The following ARAP1 variants were observed in gnomAD, a reference collection of about 807,000 sequenced individuals.
The protein encoded by ARAP1 is ArfGAP with RhoGAP domain, ankyrin repeat and PH domain 1.
ARAP1 carries 76 observed loss-of-function variants against 172.2 expected under a neutral mutation model. The ratio of observed to expected loss-of-function variants is 0.44; its 90% CI spans 0.37 to 0.53. The LOEUF (loss-of-function observed/expected upper bound fraction) is 0.53, where lower values mean the gene tolerates loss of function less well. ARAP1 is among the 20% of genes least tolerant of loss of function. ARAP1 has a pLI of 0.00. For missense variants in ARAP1, 1,686 were observed against 1,977.5 expected (o/e 0.85, Z 2.80); for synonymous variants, 804 against 803.3 (o/e 1.00, Z -0.01).
At position 72,710,889 on chromosome 11, in the gene ARAP1, A is replaced by G. The variant is rs1432007260; in HGVS notation, c.1213+132T>C. ...TGCCCCCTTCCTCTGCCCACCTCAC[A>G]AAGGCAGCATGCCTCCCCGGATGTG... On this transcript the variant is annotated intron_variant, in intron 9 of 34. Transcript: ENST00000393609. The surrounding 1 kb of genome is among the most constrained non-coding windows in gnomAD (Gnocchi z 4.3). 1.3e-6 allele frequency: 2 copies of G among 1,535,832 alleles called. No homozygotes were observed. Among genetic ancestry groups the G allele is most frequent in the Non-Finnish European group, 1.8e-6 (2 of 1,132,642 alleles).
At chr11:72,731,664 C>G (rs1857873266) in intron 2 of ARAP1, among the ~76,000 whole-genome samples, 1 of 152,226 alleles carries the variant, frequency 6.6e-6, no homozygotes, top group Non-Finnish European at 1.5e-5. Flanking sequence ...GAGTATCTCA[C>G]TTTTGCAAAA....
In ARAP1 at chr11:72,726,608, G is replaced by T; in HGVS notation, c.509+12C>A. ...GCCTGTGCGCCTCCCACCCTGGGTG[G>T]CATCCACTCACCTCACCAGCAGGCG... is the stretch of plus-strand genomic sequence containing the variant. On this transcript the variant is annotated intron_variant, in intron 3 of 34. Transcript: ENST00000393609. The surrounding 1 kb of genome is among the most constrained non-coding windows in gnomAD (Gnocchi z 6.5). 1 of 1,486,706 alleles carries T rather than the reference G, an allele frequency of 6.7e-7. No homozygotes were observed. The allele number at this position is 1,486,706 out of a possible 1,614,324, so 92.1% of individuals were successfully genotyped here.
intron 7 of ARAP1, 136 bp downstream of exon 7, chr11:72,712,060 G>T: frequency 8.1e-7 from 1 of 1,237,172 alleles, no homozygotes. Flanking sequence ...CAGTGTGCCT[G>T]GAGGGAGACC....
intron 3 of ARAP1, among the ~76,000 whole-genome samples, chr11:72,717,221 A>G (rs1429193293): frequency 6.6e-6 from 1 of 152,146 alleles, no homozygotes; most frequent in Non-Finnish European, 1.5e-5. Context: ...TGATGGGCAA[A>G]TCAATCCATC....
intron 16 of ARAP1, among the ~76,000 whole-genome samples, chr11:72,700,835 C>A (rs531908963): frequency 6.6e-6 from 1 of 152,352 alleles, no homozygotes; most frequent in East Asian, 1.9e-4. Context: ...GAAACCCCAT[C>A]TCTACTAACT....
Position 72,710,912 on chromosome 11 carries a change from G to A in ARAP1, c.1213+109C>T, listed in dbSNP as rs1856984040. The A allele has an allele frequency of 6.4e-7, 1 of 1,564,406 alleles. No homozygotes were observed. The highest frequency in any genetic ancestry group is 1.3e-5 in the African/African-American group (1 of 74,184). On this transcript the variant is annotated intron_variant, in intron 9 of 34. Transcript: ENST00000393609. The surrounding 1 kb of genome is among the most constrained non-coding windows in gnomAD (Gnocchi z 4.3). ...ACAAAGGCAGCATGCCTCCCCGGAT[G>A]TGATGTGAGAGGGCAGATGCACCAT...
At chr11:72,698,190 T>G in intron 18 of ARAP1, 84 bp from the exon 19 acceptor site, 1 of 1,421,226 alleles carries the variant, frequency 7.0e-7, no homozygotes, top group Non-Finnish European at 9.4e-7. Context: ...TACAGGCACA[T>G]GCCCTCTTCC....
At chr11:72,694,063 A>T (rs1199827120) in intron 27 of ARAP1, among the ~76,000 whole-genome samples, 1 of 57,382 alleles carries the variant, frequency 1.7e-5, no homozygotes, top group Non-Finnish European at 3.6e-5. Flanking sequence ...CTCCCATCCC[A>T]CCCTCCCTGT....
At chr11:72,698,172 C>T in intron 18 of ARAP1, 66 bp from the exon 19 acceptor site, 1 of 1,481,736 alleles carries the variant, frequency 6.7e-7, no homozygotes. Context: ...TGCCCCAGCT[C>T]CTTGGCTTAC....
In ARAP1 at chr11:72,712,207, G is replaced by A. The variant is rs1396148648; in HGVS notation, c.1011C>T (p.Asn337=). The A allele has an allele frequency of 6.2e-7, 1 of 1,604,202 alleles. No homozygotes were observed. The highest frequency in any genetic ancestry group is 1.3e-5 in the African/African-American group (1 of 74,898). Residue 337 remains asparagine, a synonymous_variant, in exon 7 of 35, where the codon AAC becomes AAT. Transcript: ENST00000393609. ...GAGGCCTCACTCACCCCTGCGGTGG[G>A]TTCTTGTCCAGCCAGCCAGCCTTGA... ...PVIKAGWLDK[N]PPQGSYIYQK...
At chr11:72,698,709 C>T (rs938352750) in intron 18 of ARAP1, among the ~76,000 whole-genome samples, 6 of 152,144 alleles carry the variant, frequency 3.9e-5, no homozygotes, top group South Asian at 2.1e-4. Context: ...CTCTGGAGGC[C>T]GCACTGTCCA....
chr11:72,737,954 C>T (rs1858082225), intron 1 of ARAP1, among the ~76,000 whole-genome samples: 1 of 152,204 alleles, frequency 6.6e-6, no homozygotes, highest in South Asian at 2.1e-4. Flanking sequence ...ACCCTAAGGC[C>T]TGTGATTCTT....
rs960380532 is a variant in ARAP1 at position 72,710,989 on chromosome 11, T to C, written c.1213+32A>G. The C allele has an allele frequency of 2.3e-5, 37 of 1,610,108 alleles. 2 individuals carry two copies. In the South Asian group the frequency reaches 2.3e-4, roughly 10 times the overall value. On this transcript the variant is annotated intron_variant, in intron 9 of 34. Coordinates refer to ENST00000393609, the MANE Select transcript of ARAP1 (RefSeq NM_001040118.3). This position sits in a 1 kb window ranked among gnomAD's most constrained non-coding sequence, Gnocchi z 4.3. ...ACTTCCAGTCTTCTCTACCCTCTTCTACACACACACACAACACCCCACACT... is the reference window on the plus strand; with the variant it reads ...ACTTCCAGTCTTCTCTACCCTCTTCCACACACACACACAACACCCCACACT...
rs1442876623 is a variant in ARAP1, at chr11:72,710,286, GAA to G, written c.1416+97_1416+98del. 1.2e-5 allele frequency: 18 copies of G among 1,447,362 alleles called. No individual in the cohort carries two copies. In the Admixed American group the frequency reaches 1.6e-4, roughly 13 times the overall value. The allele number at this position is 1,447,362 out of a possible 1,614,324, so 89.7% of individuals were successfully genotyped here. On this transcript the variant is annotated intron_variant, in intron 10 of 34. Coordinates refer to ENST00000393609, the MANE Select transcript of ARAP1 (RefSeq NM_001040118.3). This position sits in a 1 kb window ranked among gnomAD's most constrained non-coding sequence, Gnocchi z 4.3. ...AGGCAAAGGGCTGGGCCCAGTGCAG[GAA>G]AAGAGGGAACAGAAAAGGCAGGGCT...
intron 19 of ARAP1, 83 bp downstream of exon 19, chr11:72,697,828 C>T: frequency 6.7e-7 from 1 of 1,489,184 alleles, no homozygotes; most frequent in East Asian, 2.4e-5. Context: ...AGGCAGAGTT[C>T]AGATTTCCAG....
At chr11:72,711,928 C>T (rs549762366) in intron 7 of ARAP1, among the ~76,000 whole-genome samples, 2 of 152,230 alleles carry the variant, frequency 1.3e-5, no homozygotes, top group East Asian at 3.9e-4. Context: ...AACTCCTGGC[C>T]TCAAGCAAAC....
In ARAP1 at chr11:72,702,892, C is replaced by T; in HGVS notation, c.2167+13G>A. ...GCACAGCCTGGTGGACCCCCACCCT[C>T]TGCCACGCTCACCTGTGGTCCGGTT... On this transcript the variant is annotated intron_variant, in intron 15 of 34. Transcript: ENST00000393609. 1 of 1,551,814 alleles carries T rather than the reference C, an allele frequency of 6.4e-7. No individual in the cohort carries two copies. Among genetic ancestry groups the T allele is most frequent in the Non-Finnish European group, 8.7e-7 (1 of 1,147,354 alleles).
At chr11:72,706,017 G>A (rs1421232827) in intron 12 of ARAP1, 127 bp from the exon 13 acceptor site, 2 of 819,912 alleles carry the variant, frequency 2.4e-6, no homozygotes, top group East Asian at 2.7e-5. Context: ...GGGTAGGCCT[G>A]CTGGCAGCTC....
intron 23 of ARAP1, 146 bp downstream of exon 23, chr11:72,696,403 T>C: frequency 1.7e-6 from 1 of 588,490 alleles, no homozygotes; most frequent in Non-Finnish European, 2.8e-6. Context: ...AACCCTGCTC[T>C]ACAAATATCC....
Sources: allele counts gnomAD v4.1 joint callset (sites outside exome capture counted in the v4.1 genomes callset), GRCh38; gene constraint gnomAD v4.1.1; non-coding constraint Gnocchi (gnomAD v3.1); transcripts MANE v1.5; gene names NCBI Gene and HGNC (gene_info 2026-07-23, HGNC 2026-07-21).